NSUN2: variants seen among roughly 807,000 people sequenced by gnomAD.
NSUN2 encodes RNA cytosine C(5)-methyltransferase NSUN2.
NSUN2 carries 63 observed loss-of-function variants against 92.7 expected under a neutral mutation model. That is an observed-to-expected ratio of 0.68 (90% CI 0.56 to 0.84). NSUN2 has a LOEUF of 0.84. NSUN2 is among the 40% of genes least tolerant of loss of function. NSUN2 has a pLI of 0.00. For missense variants in NSUN2, 989 were observed against 964.9 expected, an observed-to-expected ratio of 1.02 and a Z score of -0.33; for synonymous variants, 356 against 348.3, an observed-to-expected ratio of 1.02 and a Z score of -0.25.
intron 15 of NSUN2, chr5:6,605,033 C>A: frequency 3.3e-6 from 2 of 608,658 alleles, no homozygotes; most frequent in Non-Finnish European, 5.7e-6. Context: ...ATGGCTCACC[C>A]CCCTGCGGGA....
chr5:6,605,147 AC>A, intron 15 of NSUN2, 125 bp downstream of exon 15: 1 of 1,258,610 alleles, frequency 7.9e-7, no homozygotes, highest in Non-Finnish European at 1.1e-6. Flanking sequence ...AGGCTCAGGG[AC>A]CCACAGCCAG....
chr5:6,615,107 C>T (rs1737154899), intron 9 of NSUN2, among the ~76,000 whole-genome samples: 1 of 152,016 alleles, frequency 6.6e-6, no homozygotes, highest in Admixed American at 6.6e-5. Flanking sequence ...AAGAAAGCTG[C>T]TCACCGAGAA....
At chr5:6,625,440 T>G in intron 4 of NSUN2, 124 bp downstream of exon 4, 1 of 663,326 alleles carries the variant, frequency 1.5e-6, no homozygotes, top group South Asian at 1.8e-5. Flanking sequence ...CACACTGCAG[T>G]TGTCTTTACT....
intron 18 of NSUN2, among the ~76,000 whole-genome samples, chr5:6,601,695 T>C (rs1736564373): frequency 6.6e-6 from 1 of 152,174 alleles, no homozygotes; most frequent in South Asian, 2.1e-4. Flanking sequence ...AAGTTAGCAC[T>C]GGATCCCTGG....
chr5:6,622,167 C>G (rs548757572), intron 5 of NSUN2, 67 bp from the exon 6 acceptor site: 1 of 1,284,136 alleles, frequency 7.8e-7, no homozygotes, highest in Middle Eastern at 1.9e-4. Context: ...TAATTTAAAG[C>G]AATTCTAGTT....
At position 6,604,161 on chromosome 5, in the gene NSUN2, G is replaced by A; in HGVS notation, c.1934C>T (p.Thr645Ile). 3 of 1,613,956 alleles carry A rather than the reference G, an allele frequency of 1.9e-6. No homozygotes were observed. The highest frequency in any genetic ancestry group is 2.5e-6 in the Non-Finnish European group (3 of 1,179,962). The change falls in exon 17 of 19, where the codon ACC (threonine) becomes ATC (isoleucine). Residue 645 changes from threonine (T) to isoleucine (I), a missense_variant. By Grantham distance (89) the Thr-to-Ile change is moderately conservative. Around this residue, in one of 3 missense-constraint regions of NSUN2, gnomAD observed 626 missense variants for 602.3 expected, o/e 1.04. Transcript: ENST00000264670. ...NPFFRKLSSE[T>I]YSQAKDLAKG... Reference sequence around the variant, plus strand: ...ACCCAGGTCCTTTGCTTGACTGTAGGTCTCACTGCTGAGTTTTCTAAAAAA... The same window carrying A: ...ACCCAGGTCCTTTGCTTGACTGTAGATCTCACTGCTGAGTTTTCTAAAAAA...
chr5:6,618,688 C>T (rs1051837376), intron 7 of NSUN2, among the ~76,000 whole-genome samples: 1 of 152,018 alleles, frequency 6.6e-6, no homozygotes, highest in African/African-American at 2.4e-5. Context: ...TTACAATCAC[C>T]GTTAAATTTC....
chr5:6,620,221 G>A lies in NSUN2; in HGVS notation c.700C>T (p.Pro234Ser), dbSNP rs1220098688. 1 of 1,612,836 alleles carries A rather than the reference G, an allele frequency of 6.2e-7. No homozygotes were observed. Among genetic ancestry groups the A allele is most frequent in the East Asian group, 2.2e-5 (1 of 44,794 alleles). Reference protein sequence around the residue: ...LVHQAKRLSSPCIMVVNHDAS... With the variant: ...LVHQAKRLSSSCIMVVNHDAS... Reference sequence around the variant, plus strand: ...TCATGGTTGACCACCATGATGCAGGGGCTGCTCAGCCTCTTGGCTTGATGG... The same window carrying A: ...TCATGGTTGACCACCATGATGCAGGAGCTGCTCAGCCTCTTGGCTTGATGG... Residue 234 changes from proline (P) to serine (S), a missense_variant, in exon 7 of 19, where the codon CCC becomes TCC. By Grantham distance (74) the Pro-to-Ser change is moderately conservative. Coordinates refer to ENST00000264670, the MANE Select transcript of NSUN2 (RefSeq NM_017755.6).
rs747294033 is a variant in NSUN2, at chr5:6,599,957, C to T, written c.2273G>A (p.Cys758Tyr). The change falls in exon 19 of 19, where the codon TGT becomes TAT. Residue 758 changes from cysteine to tyrosine, a missense_variant. Cys to Tyr is a radical substitution (Grantham distance 194). Coordinates refer to ENST00000264670, the MANE Select transcript of NSUN2 (RefSeq NM_017755.6). ...EANSPDVTAG[C>Y]DPAGVHPPR ...GGGTGGATGGACCCCCGCCGGGTCA[C>T]AGCCTGCTGTCACGTCTGGACTGTT... 27 of 1,613,896 alleles carry T rather than the reference C, an allele frequency of 1.7e-5. 1 individual carries two copies. The highest frequency in any genetic ancestry group is 5.3e-5 in the African/African-American group (4 of 74,954).
chr5:6,611,860 G>A, intron 9 of NSUN2, 62 bp from the exon 10 acceptor site: 2 of 1,410,614 alleles, frequency 1.4e-6, no homozygotes, highest in Non-Finnish European at 1.0e-6. Flanking sequence ...ACTATGCTCA[G>A]TGAAAAAAAC....
chr5:6,622,731 C>T (rs190598433), intron 5 of NSUN2, among the ~76,000 whole-genome samples: 83 of 151,724 alleles, frequency 5.5e-4, no homozygotes, highest in African/African-American at 2.0e-3. Context: ...CCTGTAATCC[C>T]GGCTACTTGG....
chr5:6,621,739 C>T, intron 6 of NSUN2: 1 of 280,028 alleles, frequency 3.6e-6, no homozygotes, highest in Admixed American at 5.6e-5. Flanking sequence ...CAGAGTGAGA[C>T]TCCATCTCAA....
At chr5:6,608,911 C>G (rs6882580) in intron 12 of NSUN2, among the ~76,000 whole-genome samples, 1 of 152,070 alleles carries the variant, frequency 6.6e-6, no homozygotes, top group Non-Finnish European at 1.5e-5. Context: ...ATTCCATCAG[C>G]GTTAAGATAC....
Position 6,632,791 on chromosome 5 carries a change from A to C in NSUN2, c.97-35T>G, listed in dbSNP as rs766300808. On this transcript the variant is annotated intron_variant, in intron 1 of 18. Coordinates refer to ENST00000264670, the MANE Select transcript of NSUN2 (RefSeq NM_017755.6). ...GAAAGAGACGTCTACCCCGAGGCCC[A>C]AGGAGCCGCCCCCTCGCCGCCGCCT... is the stretch of plus-strand genomic sequence containing the variant. 107 of 1,602,582 alleles carry C rather than the reference A, an allele frequency of 6.7e-5. No homozygotes were observed. In the East Asian group the frequency reaches 2.4e-3, roughly 36 times the overall value.
chr5:6,618,440 CTAATA>C (rs1737301102), intron 7 of NSUN2, among the ~76,000 whole-genome samples: 1 of 151,958 alleles, frequency 6.6e-6, no homozygotes, highest in South Asian at 2.1e-4. Flanking sequence ...CACAGTTAAG[CTAATA>C]TATTAGCTAA....
At position 6,620,164 on chromosome 5, in the gene NSUN2, C is replaced by G. The variant is rs776424531; in HGVS notation, c.757G>C (p.Val253Leu). Residue 253 changes from valine to leucine, a missense_variant, in exon 7 of 19, where the codon GTG becomes CTG. Val to Leu is a conservative substitution (Grantham distance 32). Transcript: ENST00000264670. ...AAGAGGATCTCTTTCCTGCCGTCCACATCTATCTGGAGCCTGGGTATGCTG... is the reference window on the plus strand; with the variant it reads ...AAGAGGATCTCTTTCCTGCCGTCCAGATCTATCTGGAGCCTGGGTATGCTG... Reference protein sequence around the residue: ...ASSIPRLQIDVDGRKEILFYD... With the variant: ...ASSIPRLQIDLDGRKEILFYD... The G allele has an allele frequency of 1.7e-5, 28 of 1,612,518 alleles. No homozygotes were observed. The highest frequency in any genetic ancestry group is 2.0e-5 in the Non-Finnish European group (23 of 1,179,402).
At chr5:6,607,512 G>A (rs1322876543) in intron 12 of NSUN2, 128 bp from the exon 13 acceptor site, 9 of 788,360 alleles carry the variant, frequency 1.1e-5, no homozygotes, top group South Asian at 2.0e-5. Flanking sequence ...TGTAGAGAAA[G>A]ACAACAGAAT....
intron 12 of NSUN2, 125 bp downstream of exon 12, chr5:6,609,701 C>A (rs1481492333): frequency 1.4e-6 from 1 of 707,480 alleles, no homozygotes; most frequent in African/African-American, 1.8e-5. Flanking sequence ...CATTCAGGGT[C>A]AGCTCTCCTG....
At chr5:6,601,955 C>T (rs565774653) in intron 18 of NSUN2, among the ~76,000 whole-genome samples, 9 of 151,708 alleles carry the variant, frequency 5.9e-5, no homozygotes, top group East Asian at 5.8e-4. Context: ...ACCTGCTCCC[C>T]CAAGGCCCCC....
Sources: gnomAD v4.1 joint callset for allele counts (sites outside exome capture counted in the v4.1 genomes callset) on GRCh38, gnomAD v4.1.1 for gene constraint, gnomAD v4.1.1 regional missense constraint, MANE v1.5 for transcripts, NCBI Gene and HGNC (gene_info 2026-07-23, HGNC 2026-07-21) for gene names.